Variants in DIP2C observed in about 807,000 individuals in gnomAD.
DIP2C encodes the protein DIP2 acetate--CoA ligase C (putative).
Under a neutral mutation model 192.4 loss-of-function variants are expected in DIP2C, and 33 were observed. That is an observed-to-expected ratio of 0.17 (90% CI 0.13 to 0.23). The LOEUF is 0.23. Ranked by LOEUF, DIP2C falls within the 10% of genes least tolerant of loss-of-function variation. The pLI is 1.00. For missense variants in DIP2C, 1,537 were observed against 2,110.1 expected (o/e 0.73, Z 5.32); for synonymous variants, 979 against 864.1 (o/e 1.13, Z -2.33).
chr10:531,955 T>C (rs1170831175), intron 1 of DIP2C, among the ~76,000 whole-genome samples: 3 of 152,254 alleles, frequency 2.0e-5, no homozygotes, highest in Non-Finnish European at 4.4e-5. Flanking sequence ...AACTTTGTTT[T>C]ATAGATAAAC....
intron 1 of DIP2C, among the ~76,000 whole-genome samples, chr10:604,623 G>C (rs1299469584): frequency 2.6e-5 from 4 of 152,240 alleles, no homozygotes; most frequent in Admixed American, 6.5e-5. Flanking sequence ...TATTTAACTA[G>C]ATCTTATTAC....
intron 2 of DIP2C, among the ~76,000 whole-genome samples, chr10:477,739 GAA>G (rs1167044617): frequency 1.7e-5 from 2 of 119,202 alleles, no homozygotes; most frequent in Admixed American, 1.8e-4. Context: ...AGGAAAGAAA[GAA>G]CGAGAAAGAA....
At chr10:398,654 TTTACATTGGATTAAACAATAA>T (rs1234977617) in intron 10 of DIP2C, among the ~76,000 whole-genome samples, 1 of 152,238 alleles carries the variant, frequency 6.6e-6, no homozygotes, top group Non-Finnish European at 1.5e-5. Context: ...CATTAATTTC[TTTACATTGGATTAAACAATAA>T]TTACAATGGC....
At chr10:415,640 G>T in intron 7 of DIP2C, 129 bp downstream of exon 7, 2 of 1,297,416 alleles carry the variant, frequency 1.5e-6, no homozygotes, top group Non-Finnish European at 1.1e-6. Flanking sequence ...CCCTACCTGG[G>T]TTCCCATCAT....
intron 26 of DIP2C, among the ~76,000 whole-genome samples, chr10:346,761 C>T (rs1958496352): frequency 8.0e-6 from 1 of 125,768 alleles, no homozygotes; most frequent in African/African-American, 3.4e-5. Context: ...CATAGTTCTC[C>T]CGGAAACGTC....
intron 29 of DIP2C, among the ~76,000 whole-genome samples, chr10:338,439 T>TC (rs200938558): frequency 1.2e-4 from 17 of 147,446 alleles, no homozygotes; most frequent in African/African-American, 2.7e-4. Context: ...TTTTTTTTTT[T>TC]CCCACCTTCT....
intron 17 of DIP2C, among the ~76,000 whole-genome samples, chr10:380,622 G>A (rs1377496161): frequency 2.6e-5 from 4 of 152,190 alleles, no homozygotes; most frequent in Admixed American, 6.5e-5. Flanking sequence ...TGTAGCAGCC[G>A]AACACTTGTC....
At chr10:557,296 G>A (rs1848929375) in intron 1 of DIP2C, among the ~76,000 whole-genome samples, 1 of 152,162 alleles carries the variant, frequency 6.6e-6, no homozygotes, top group African/African-American at 2.4e-5. Context: ...CCACAGCCCT[G>A]GACAGAATCT....
At chr10:445,416 A>G (rs751235622) in intron 3 of DIP2C, among the ~76,000 whole-genome samples, 5 of 143,796 alleles carry the variant, frequency 3.5e-5, no homozygotes, top group Non-Finnish European at 6.0e-5. Flanking sequence ...TGCAAAGAGT[A>G]TATCTTGCAC....
intron 1 of DIP2C, among the ~76,000 whole-genome samples, chr10:660,038 C>T (rs1856657522): frequency 6.6e-6 from 1 of 152,364 alleles, no homozygotes; most frequent in Admixed American, 6.5e-5. Context: ...GTCAAGAGGC[C>T]TAGGTTCCCT....
intron 1 of DIP2C, among the ~76,000 whole-genome samples, chr10:590,320 T>C (rs1027762261): frequency 6.6e-6 from 1 of 152,190 alleles, no homozygotes; most frequent in Non-Finnish European, 1.5e-5. Flanking sequence ...TGGGACAAAC[T>C]GACTCAAAAT....
intron 1 of DIP2C, among the ~76,000 whole-genome samples, chr10:584,589 A>G (rs1255322940): frequency 2.9e-5 from 2 of 69,006 alleles, no homozygotes; most frequent in African/African-American, 1.2e-4. Context: ...ACCCCCACTC[A>G]CGCGCATCAC....
intron 9 of DIP2C, among the ~76,000 whole-genome samples, chr10:404,006 G>T (rs982743543): frequency 7.4e-6 from 1 of 135,986 alleles, no homozygotes; most frequent in Non-Finnish European, 1.6e-5. Flanking sequence ...TGAATCCTAT[G>T]ATTTTACATG....
intron 3 of DIP2C, among the ~76,000 whole-genome samples, chr10:460,713 A>T (rs1318271491): frequency 6.6e-6 from 1 of 152,190 alleles, no homozygotes; most frequent in African/African-American, 2.4e-5. Context: ...AATATCACGA[A>T]GATACTCCTT....
chr10:650,084 A>G, intron 1 of DIP2C: 1 of 715,628 alleles, frequency 1.4e-6, no homozygotes, highest in Non-Finnish European at 2.6e-6. Context: ...TCCAGGAGAG[A>G]AAATAGCTTG....
intron 1 of DIP2C, among the ~76,000 whole-genome samples, chr10:505,538 G>A (rs1032695695): frequency 6.6e-6 from 1 of 151,790 alleles, no homozygotes; most frequent in African/African-American, 2.4e-5. Context: ...CCTGACACCA[G>A]GGAGATGGAG....
At chr10:502,481 G>C (rs1165495143) in intron 1 of DIP2C, among the ~76,000 whole-genome samples, 3 of 152,124 alleles carry the variant, frequency 2.0e-5, no homozygotes, top group Admixed American at 6.5e-5. Flanking sequence ...CATAATCTAA[G>C]CTTCTATGTT....
chr10:474,538 G>C (rs1970906903), intron 2 of DIP2C, among the ~76,000 whole-genome samples: 1 of 141,748 alleles, frequency 7.1e-6, no homozygotes, highest in Non-Finnish European at 1.5e-5. Flanking sequence ...ACCGTCACTG[G>C]GCCACGCCTT....
chr10:398,442 G>C (rs146867784), intron 10 of DIP2C, among the ~76,000 whole-genome samples: 3 of 152,148 alleles, frequency 2.0e-5, no homozygotes, highest in Non-Finnish European at 4.4e-5. Context: ...CACCTTTCTA[G>C]ACCAAATGAA....
Sources: gnomAD v4.1 joint callset for allele counts (sites outside exome capture counted in the v4.1 genomes callset) on GRCh38, gnomAD v4.1.1 for gene constraint, MANE v1.5 for transcripts, NCBI Gene and HGNC (gene_info 2026-07-23, HGNC 2026-07-21) for gene names.